The following MOSMO variants were observed in gnomAD, a reference collection of about 807,000 sequenced individuals.
MOSMO encodes modulator of smoothened.
In MOSMO, 5 loss-of-function variants were observed where a neutral mutation model predicts 18.4. The ratio of observed to expected loss-of-function variants is 0.27; its 90% CI spans 0.14 to 0.57. The LOEUF is 0.57. MOSMO is among the 20% of genes least tolerant of loss of function. The pLI is 0.92. For synonymous variants in MOSMO, 82 were observed against 82.3 expected (o/e 1.00, Z 0.02); for missense variants, 138 against 211.8 (o/e 0.65, Z 2.16).
chr16:22,017,443 G>A (rs1023078793), intron 1 of MOSMO, among the ~76,000 whole-genome samples: 1 of 152,124 alleles, frequency 6.6e-6, no homozygotes, highest in Non-Finnish European at 1.5e-5. Flanking sequence ...TTCAAGTTCT[G>A]AAGCTACACC....
downstream of MOSMO, chr16:22,085,661 T>G (rs1252823295): frequency 1.3e-5 from 2 of 152,296 alleles, no homozygotes; most frequent in East Asian, 3.9e-4. Flanking sequence ...GAGAAGATTA[T>G]AGGAAAAACA....
chr16:22,051,482 A>G (rs1462820940), intron 1 of MOSMO, among the ~76,000 whole-genome samples: 1 of 152,158 alleles, frequency 6.6e-6, no homozygotes, highest in East Asian at 1.9e-4. Context: ...TAAAATATCA[A>G]TAGGTCAAAC....
At chr16:22,080,035 C>T (rs957195758) in intron 2 of MOSMO, among the ~76,000 whole-genome samples, 3 of 152,124 alleles carry the variant, frequency 2.0e-5, no homozygotes, top group Admixed American at 6.5e-5. Flanking sequence ...CCGCCCGCCT[C>T]GGCCCCCCAA....
intron 1 of MOSMO, among the ~76,000 whole-genome samples, chr16:22,014,729 G>T (rs1459776706): frequency 6.6e-6 from 1 of 152,156 alleles, no homozygotes; most frequent in Non-Finnish European, 1.5e-5. Flanking sequence ...TGACATGAAA[G>T]AACTCTGTAA....
At chr16:22,074,802 G>A (rs1900931405) in intron 1 of MOSMO, among the ~76,000 whole-genome samples, 1 of 152,206 alleles carries the variant, frequency 6.6e-6, no homozygotes, top group African/African-American at 2.4e-5. Flanking sequence ...AAGCATGCCA[G>A]CCATGGTTTG....
intron 1 of MOSMO, among the ~76,000 whole-genome samples, chr16:22,033,676 C>G (rs1052156439): frequency 4.6e-5 from 7 of 151,340 alleles, no homozygotes; most frequent in African/African-American, 7.3e-5. Flanking sequence ...AAAAATCACC[C>G]GGGCATGGTG....
At chr16:22,020,409 C>T (rs1484175226) in intron 1 of MOSMO, among the ~76,000 whole-genome samples, 1 of 150,664 alleles carries the variant, frequency 6.6e-6, no homozygotes, top group Non-Finnish European at 1.5e-5. Flanking sequence ...ATTCTCCTGC[C>T]TCAGCCTCTC....
intron 1 of MOSMO, among the ~76,000 whole-genome samples, chr16:22,049,880 T>C (rs1316282208): frequency 6.6e-6 from 1 of 152,234 alleles, no homozygotes; most frequent in Non-Finnish European, 1.5e-5. Context: ...TAATGCCATC[T>C]TATATATCCT....
rs555057574 is a variant in MOSMO, at chr16:22,058,626, G to A, written c.107-16861G>A. ...TGATTTCAGAGTGGGAACCTATGGGGGAAAGAAGGGGAAGGAGTTAAGAAT... is the reference window on the plus strand; with the variant it reads ...TGATTTCAGAGTGGGAACCTATGGGAGAAAGAAGGGGAAGGAGTTAAGAAT... On this transcript the variant is annotated intron_variant, in intron 1 of 2. Transcript: ENST00000542527. Among the ~76,000 whole-genome samples, 39 of 152,164 alleles carry A rather than the reference G, an allele frequency of 2.6e-4. No individual in the cohort carries two copies. The East Asian group carries it at 6.8e-3, about 26-fold the overall frequency.
chr16:22,037,542 T>C (rs1329493303), intron 1 of MOSMO, among the ~76,000 whole-genome samples: 2 of 152,110 alleles, frequency 1.3e-5, no homozygotes, highest in Non-Finnish European at 2.9e-5. Context: ...ATCCCATAGA[T>C]TGAGGGGTCA....
chr16:22,040,627 A>C (rs1221442020), intron 1 of MOSMO, among the ~76,000 whole-genome samples: 2 of 152,186 alleles, frequency 1.3e-5, no homozygotes, highest in Non-Finnish European at 2.9e-5. Flanking sequence ...TGAATGAATG[A>C]AACAAAATGG....
At chr16:22,085,608 T>G (rs1191819471), downstream of MOSMO, 1 of 152,074 alleles carries the variant, frequency 6.6e-6, no homozygotes, top group African/African-American at 2.4e-5. Context: ...CAAAAATACT[T>G]TATTTTGACT....
intron 1 of MOSMO, among the ~76,000 whole-genome samples, chr16:22,047,859 C>T (rs1433979167): frequency 2.0e-5 from 3 of 152,034 alleles, no homozygotes; most frequent in Non-Finnish European, 2.9e-5. Flanking sequence ...GACTGATTTA[C>T]ATCTAACAGT....
Position 22,080,463 on chromosome 16 carries a change from C to A in MOSMO, c.320-233C>A, listed in dbSNP as rs755635096. Among the ~76,000 whole-genome samples the A allele has an allele frequency of 3.9e-5, 6 of 152,240 alleles. No individual in the cohort carries two copies. In the East Asian group the frequency reaches 1.2e-3, roughly 29 times the overall value. ...GGTTTGGAAAAGGACTTTCTTAATC[C>A]TGATATTCAGAATTGTCCTAAAACT... On this transcript the variant is annotated intron_variant, in intron 2 of 2. Coordinates refer to ENST00000542527, the MANE Select transcript of MOSMO (RefSeq NM_001164579.2).
Position 22,081,817 on chromosome 16 carries a change from G to C in MOSMO, c.*937G>C, listed in dbSNP as rs879616705. 7 of 152,128 alleles carry C rather than the reference G, an allele frequency of 4.6e-5. No homozygotes were observed. Among genetic ancestry groups the C allele is most frequent in the South Asian group, 2.1e-4 (1 of 4,820 alleles). 9.4% of individuals were successfully genotyped at this position (152,128 alleles called of 1,614,324 possible). On this transcript the variant is annotated 3_prime_UTR_variant, in exon 3 of 3. Transcript: ENST00000542527. ...TCAGTTTACCTCATTCTTTGTAGCA[G>C]CCCTTGATTTTAACAGGTTTTTGTA...
intron 1 of MOSMO, among the ~76,000 whole-genome samples, chr16:22,045,624 T>TA (rs2141736612): frequency 6.6e-6 from 1 of 152,352 alleles, no homozygotes; most frequent in East Asian, 1.9e-4. Context: ...ATTTACTCAA[T>TA]AGCCACATGT....
intron 1 of MOSMO, among the ~76,000 whole-genome samples, chr16:22,069,468 TA>T (rs1402842365): frequency 2.6e-5 from 4 of 151,378 alleles, no homozygotes; most frequent in Non-Finnish European, 1.5e-5. Context: ...CACAAAATTT[TA>T]ACAAATGGGA....
chr16:22,047,810 A>G (rs954565211), intron 1 of MOSMO, among the ~76,000 whole-genome samples: 5 of 152,320 alleles, frequency 3.3e-5, no homozygotes, highest in African/African-American at 1.2e-4. Flanking sequence ...TACCTGTGAA[A>G]GATAGGCAGT....
intron 1 of MOSMO, among the ~76,000 whole-genome samples, chr16:22,061,121 A>T (rs1435400455): frequency 6.6e-6 from 1 of 152,156 alleles, no homozygotes; most frequent in Non-Finnish European, 1.5e-5. Context: ...TAGAATGTAG[A>T]TCTACCTTGG....
Sources: allele counts gnomAD v4.1 joint callset (sites outside exome capture counted in the v4.1 genomes callset), GRCh38; gene constraint gnomAD v4.1.1; transcripts MANE v1.5; gene names NCBI Gene and HGNC (gene_info 2026-07-23, HGNC 2026-07-21).